TDRD3: variants seen among roughly 807,000 people sequenced by gnomAD.
TDRD3 encodes tudor domain-containing protein 3.
TDRD3 carries 45 observed loss-of-function variants against 86.7 expected under a neutral mutation model. The observed-to-expected ratio is 0.52, with a 90% CI of 0.41 to 0.67. The LOEUF is 0.67. TDRD3 is among the 30% of genes least tolerant of loss of function. The pLI, the probability that TDRD3 is intolerant of heterozygous loss-of-function variation, is 0.00. For missense variants in TDRD3, 814 were observed against 889.0 expected, an observed-to-expected ratio of 0.92 and a Z score of 1.07; for synonymous variants, 298 against 301.7, an observed-to-expected ratio of 0.99 and a Z score of 0.13.
chr13:60,506,136 G>A (rs1453332330), intron 8 of TDRD3, among the ~76,000 whole-genome samples: 2 of 152,148 alleles, frequency 1.3e-5, no homozygotes, highest in Non-Finnish European at 2.9e-5. Flanking sequence ...CAGAGAGAAA[G>A]GTCAGGTTAC....
intron 12 of TDRD3, among the ~76,000 whole-genome samples, chr13:60,552,129 C>G (rs558224660): frequency 9.8e-5 from 15 of 152,350 alleles, no homozygotes; most frequent in Non-Finnish European, 2.2e-4. Context: ...CCAGCATTAA[C>G]TTAAAATTCC....
At chr13:60,545,260 G>T (rs1957914142) in intron 12 of TDRD3, among the ~76,000 whole-genome samples, 1 of 152,146 alleles carries the variant, frequency 6.6e-6, no homozygotes, top group Non-Finnish European at 1.5e-5. Context: ...AGTTTTACAT[G>T]ATAACAGCAT....
In TDRD3 at chr13:60,397,308, A is replaced by C; in HGVS notation, c.-57A>C. The C allele has an allele frequency of 1.3e-6, 1 of 792,502 alleles. No individual in the cohort carries two copies. The highest frequency in any genetic ancestry group is 3.6e-5 in the Admixed American group (1 of 28,058). The allele number at this position is 792,502 out of a possible 1,614,324, so 49.1% of individuals were successfully genotyped here. On this transcript the variant is annotated 5_prime_UTR_variant, in exon 1 of 14. Coordinates refer to ENST00000377881, the MANE Select transcript of TDRD3 (RefSeq NM_001146070.2). ...TTTAAGGGGGGGGGTCTCAAGTAGG[A>C]GGCCTCCCCATCACCCCCACCCCAG...
intron 10 of TDRD3, among the ~76,000 whole-genome samples, chr13:60,526,634 A>G (rs1320876319): frequency 2.1e-5 from 3 of 140,610 alleles, no homozygotes; most frequent in South Asian, 4.4e-4. Context: ...TTTTTTTTTT[A>G]AAGATCTCTC....
intron 12 of TDRD3, chr13:60,537,795 A>G (rs916603704): frequency 7.9e-5 from 12 of 152,116 alleles, no homozygotes; most frequent in African/African-American, 2.2e-4. Flanking sequence ...ATGGTATTGT[A>G]TCTTTCATTA....
intron 10 of TDRD3, among the ~76,000 whole-genome samples, chr13:60,520,532 A>T (rs906146913): frequency 1.3e-5 from 2 of 152,186 alleles, no homozygotes; most frequent in African/African-American, 4.8e-5. Flanking sequence ...TTCCCTCTAC[A>T]TTGCTGTACT....
intron 12 of TDRD3, among the ~76,000 whole-genome samples, chr13:60,564,626 C>T (rs1033023329): frequency 4.6e-5 from 7 of 152,204 alleles, no homozygotes; most frequent in Admixed American, 3.3e-4. Flanking sequence ...ACTCATCTGT[C>T]GAATCTAGAA....
chr13:60,482,221 C>T (rs1264961596), intron 5 of TDRD3, among the ~76,000 whole-genome samples: 1 of 152,158 alleles, frequency 6.6e-6, no homozygotes, highest in Non-Finnish European at 1.5e-5. Flanking sequence ...CCCACAACTT[C>T]CAGTTGCATC....
rs1957523321 is a variant in TDRD3, at chr13:60,529,073, T to C, written c.1848T>C (p.Asp616=). 6 of 1,613,934 alleles carry C rather than the reference T, an allele frequency of 3.7e-6. No individual in the cohort carries two copies. The highest frequency in any genetic ancestry group is 2.2e-5 in the East Asian group (1 of 44,858). The change falls in exon 11 of 14, where the codon GAT becomes GAC. Residue 616 remains aspartate, a synonymous_variant. Coordinates refer to ENST00000377881, the MANE Select transcript of TDRD3 (RefSeq NM_001146070.2). The part of the protein sequence containing the change: ...AGPVTAVPCD[D]KIFYNSGPKR... Reference sequence around the variant, plus strand: ...CTGTCACAGCTGTACCCTGTGATGATAAAATATTTTACAATAGTGGGCCCA... The same window carrying C: ...CTGTCACAGCTGTACCCTGTGATGACAAAATATTTTACAATAGTGGGCCCA...
intron 12 of TDRD3, among the ~76,000 whole-genome samples, chr13:60,566,856 G>T (rs1047238991): frequency 6.6e-6 from 1 of 152,052 alleles, no homozygotes; most frequent in African/African-American, 2.4e-5. Context: ...CCTTGAACTG[G>T]TAGATATACC....
At chr13:60,568,798 T>C (rs533991673) in intron 13 of TDRD3, among the ~76,000 whole-genome samples, 4 of 151,868 alleles carry the variant, frequency 2.6e-5, no homozygotes, top group African/African-American at 7.2e-5. Context: ...AAAGGAAGAG[T>C]CAAATTATTC....
intron 8 of TDRD3, among the ~76,000 whole-genome samples, chr13:60,497,635 G>A (rs924705652): frequency 6.6e-6 from 1 of 152,170 alleles, no homozygotes; most frequent in African/African-American, 2.4e-5. Context: ...GAAATGAAAG[G>A]TGCATGCACA....
chr13:60,555,698 T>C lies in TDRD3; in HGVS notation c.2119-11827T>C, dbSNP rs146543485. Among the ~76,000 whole-genome samples, 25 of 152,330 alleles carry C rather than the reference T, an allele frequency of 1.6e-4. No homozygotes were observed. The East Asian group carries it at 4.6e-3, about 28-fold the overall frequency. ...TTGATTCTCAATATGTGATAAATTGTTCTGATGAGTATCATTTAGTTCATT... is the reference window on the plus strand; with the variant it reads ...TTGATTCTCAATATGTGATAAATTGCTCTGATGAGTATCATTTAGTTCATT... On this transcript the variant is annotated intron_variant, in intron 12 of 13. Coordinates refer to ENST00000377881, the MANE Select transcript of TDRD3 (RefSeq NM_001146070.2).
At chr13:60,457,689 G>A (rs144717742) in intron 3 of TDRD3, among the ~76,000 whole-genome samples, 1 of 152,180 alleles carries the variant, frequency 6.6e-6, no homozygotes, top group African/African-American at 2.4e-5. Context: ...CAGTTTTGTA[G>A]GCCAGAAGTT....
intron 1 of TDRD3, among the ~76,000 whole-genome samples, chr13:60,415,772 A>G (rs1389365685): frequency 2.0e-5 from 3 of 152,160 alleles, no homozygotes; most frequent in Non-Finnish European, 4.4e-5. Flanking sequence ...TTTAAATAAG[A>G]GCCATGAAAA....
At chr13:60,411,587 GT>G (rs201739194) in intron 1 of TDRD3, among the ~76,000 whole-genome samples, 1 of 151,782 alleles carries the variant, frequency 6.6e-6, no homozygotes, top group Non-Finnish European at 1.5e-5. Context: ...GAGAACATAG[GT>G]TTTTTTTGGT....
chr13:60,567,777 G>A (rs2137997898), intron 13 of TDRD3, 127 bp downstream of exon 13: 3 of 1,230,398 alleles, frequency 2.4e-6, no homozygotes, highest in Non-Finnish European at 1.1e-6. Flanking sequence ...AGGCTGGAGT[G>A]CAGTGGCGTG....
chr13:60,515,834 G>T (rs771701039), intron 10 of TDRD3, among the ~76,000 whole-genome samples: 2 of 152,160 alleles, frequency 1.3e-5, no homozygotes, highest in African/African-American at 4.8e-5. Flanking sequence ...CTCCACTTTG[G>T]TGGAAAATTT....
chr13:60,469,388 A>G (rs974110953), intron 5 of TDRD3, among the ~76,000 whole-genome samples: 5 of 151,966 alleles, frequency 3.3e-5, no homozygotes, highest in African/African-American at 1.2e-4. Flanking sequence ...CTTTGCTAAC[A>G]ACTGTAAACA....
Sources: gnomAD v4.1 joint callset for allele counts (sites outside exome capture counted in the v4.1 genomes callset) on GRCh38, gnomAD v4.1.1 for gene constraint, MANE v1.5 for transcripts, NCBI Gene and HGNC (gene_info 2026-07-23, HGNC 2026-07-21) for gene names.